DENND4A: variants seen among roughly 807,000 people sequenced by gnomAD.
DENND4A encodes the protein C-myc promoter-binding protein.
A neutral mutation model predicts 199.3 loss-of-function variants in DENND4A; 70 were observed. The ratio of observed to expected loss-of-function variants is 0.35; its 90% CI spans 0.29 to 0.43. The LOEUF is 0.43. Among genes scored for constraint, DENND4A ranks in the 20% least tolerant of loss-of-function variants. The pLI is 1.00. For missense variants in DENND4A, 1,723 were observed against 2,255.8 expected, an observed-to-expected ratio of 0.76 and a Z score of 4.78; for synonymous variants, 686 against 766.9, an observed-to-expected ratio of 0.89 and a Z score of 1.74.
chr15:65,762,084 C>T (rs1325582680), intron 1 of DENND4A, among the ~76,000 whole-genome samples: 3 of 152,012 alleles, frequency 2.0e-5, no homozygotes, highest in East Asian at 1.9e-4. Flanking sequence ...CTCGGCTCAC[C>T]GCAACCTCCA....
rs956220342 is a variant in DENND4A at position 65,786,307 on chromosome 15, T to C, written c.-102+5703A>G. 5.9e-5 allele frequency among the ~76,000 whole-genome samples: 9 copies of C among 152,110 alleles called. 1 individual carries two copies. Among genetic ancestry groups the C allele is most frequent in the Middle Eastern group, 3.4e-3 (1 of 294 alleles). ...GGATTGAGGGCAGAAAAAAATAAAA[T>C]GAAAAAAGCAAGCTTTAAAATCCAT... On this transcript the variant is annotated intron_variant, in intron 1 of 32. Coordinates refer to ENST00000443035, the MANE Select transcript of DENND4A (RefSeq NM_001320835.1).
chr15:65,700,196 C>CT (rs1350908672), intron 20 of DENND4A, among the ~76,000 whole-genome samples: 1 of 151,666 alleles, frequency 6.6e-6, no homozygotes, highest in African/African-American at 2.4e-5. Flanking sequence ...AGCTATGCTT[C>CT]TTTTTTTAAA....
intron 7 of DENND4A, 88 bp from the exon 8 acceptor site, chr15:65,732,906 C>G (rs2076003892): frequency 1.1e-5 from 8 of 757,122 alleles, no homozygotes; most frequent in Non-Finnish European, 1.8e-5. Flanking sequence ...CAAGTTGAGT[C>G]AAAGCCCTGT....
chr15:65,763,186 T>C (rs1025524987), intron 1 of DENND4A, among the ~76,000 whole-genome samples: 1 of 152,068 alleles, frequency 6.6e-6, no homozygotes, highest in African/African-American at 2.4e-5. Context: ...TAAGAGTCAA[T>C]AGCTTCTGCG....
chr15:65,697,166 G>A, intron 21 of DENND4A, 101 bp downstream of exon 21: 1 of 714,208 alleles, frequency 1.4e-6, no homozygotes, highest in East Asian at 2.7e-5. Context: ...GAGTTATAAT[G>A]GAAAAATGGA....
intron 5 of DENND4A, among the ~76,000 whole-genome samples, chr15:65,740,865 G>A (rs540234888): frequency 2.6e-5 from 4 of 151,972 alleles, no homozygotes; most frequent in African/African-American, 9.7e-5. Context: ...GGGAGACTGA[G>A]GCAAGAGGAT....
rs568694071 is a variant in DENND4A at position 65,685,814 on chromosome 15, T to C, written c.4179+4601A>G. 9.8e-5 allele frequency among the ~76,000 whole-genome samples: 15 copies of C among 152,352 alleles called. No individual in the cohort carries two copies. In the South Asian group the frequency reaches 3.1e-3, roughly 32 times the overall value. On this transcript the variant is annotated intron_variant, in intron 23 of 32. Transcript: ENST00000443035. ...ATTTCCCCATTGAATTGCCTTGGCATCTTTATTGAAATTTAAATAACCATA... is the reference window on the plus strand; with the variant it reads ...ATTTCCCCATTGAATTGCCTTGGCACCTTTATTGAAATTTAAATAACCATA...
chr15:65,779,011 T>A (rs2077362584), intron 1 of DENND4A, among the ~76,000 whole-genome samples: 1 of 151,966 alleles, frequency 6.6e-6, no homozygotes, highest in Admixed American at 6.6e-5. Flanking sequence ...TGCCTACAGT[T>A]TCAGCCACTC....
chr15:65,674,314 C>G (rs890478865), intron 24 of DENND4A, among the ~76,000 whole-genome samples: 2 of 151,998 alleles, frequency 1.3e-5, no homozygotes, highest in African/African-American at 4.8e-5. Context: ...TCAAAAATAG[C>G]CGAGTTAATC....
chr15:65,752,055 T>C (rs1227741395), intron 4 of DENND4A, among the ~76,000 whole-genome samples: 3 of 127,902 alleles, frequency 2.3e-5, no homozygotes, highest in Admixed American at 2.0e-4. Context: ...TAAATTGAGA[T>C]GTGGGATCTA....
intron 9 of DENND4A, chr15:65,731,260 AT>A (rs1180670659): frequency 6.4e-6 from 2 of 310,510 alleles, no homozygotes; most frequent in African/African-American, 2.2e-5. Context: ...AATTAGAACT[AT>A]TTTTTTTCTT....
At chr15:65,693,701 C>T (rs1200872283) in intron 22 of DENND4A, among the ~76,000 whole-genome samples, 2 of 151,766 alleles carry the variant, frequency 1.3e-5, no homozygotes, top group Non-Finnish European at 2.9e-5. Context: ...AGGAAGTCTT[C>T]CCTAACAACC....
chr15:65,778,968 A>T (rs1318336133), intron 1 of DENND4A, among the ~76,000 whole-genome samples: 1 of 151,878 alleles, frequency 6.6e-6, no homozygotes, highest in Non-Finnish European at 1.5e-5. Flanking sequence ...TGACTGCTAT[A>T]AAAAGGATTT....
intron 4 of DENND4A, among the ~76,000 whole-genome samples, chr15:65,744,124 G>T (rs984507430): frequency 6.6e-6 from 1 of 152,036 alleles, no homozygotes; most frequent in Non-Finnish European, 1.5e-5. Flanking sequence ...CAGTGGGAAT[G>T]ATGAAAAGAG....
At chr15:65,788,792 T>C (rs1179567356) in intron 1 of DENND4A, among the ~76,000 whole-genome samples, 1 of 145,362 alleles carries the variant, frequency 6.9e-6, no homozygotes, top group Non-Finnish European at 1.5e-5. Context: ...GAGGTGGAGG[T>C]TGCAGTGAGC....
chr15:65,725,633 C>T (rs1458396535), intron 11 of DENND4A, among the ~76,000 whole-genome samples: 5 of 150,424 alleles, frequency 3.3e-5, no homozygotes, highest in South Asian at 4.2e-4. Context: ...GCTGAGATCA[C>T]GCCACCACAC....
At chr15:65,763,960 A>T (rs2140793392) in intron 1 of DENND4A, among the ~76,000 whole-genome samples, 1 of 152,322 alleles carries the variant, frequency 6.6e-6, no homozygotes, top group East Asian at 1.9e-4. Flanking sequence ...AACATTTTTT[A>T]AAATTCAACA....
At chr15:65,751,046 C>G (rs1260731755) in intron 4 of DENND4A, among the ~76,000 whole-genome samples, 1 of 152,076 alleles carries the variant, frequency 6.6e-6, no homozygotes, top group Non-Finnish European at 1.5e-5. Flanking sequence ...AAAGAGATGA[C>G]TATGAGACAG....
rs760115259 is a variant in DENND4A at position 65,676,508 on chromosome 15, T to C, written c.4306A>G (p.Thr1436Ala). 1 of 1,613,624 alleles carries C rather than the reference T, an allele frequency of 6.2e-7. No homozygotes were observed. The highest frequency in any genetic ancestry group is 8.5e-7 in the Non-Finnish European group (1 of 1,179,722). Reference protein sequence around the residue: ...GPISSQETSATSGTKRIDLSR... With the variant: ...GPISSQETSAASGTKRIDLSR... ...AGATCAATTCTCTTAGTCCCTGAAG[T>C]AGCACTGGTCTCTTGAGAGGAGATA... is the stretch of plus-strand genomic sequence containing the variant. The change falls in exon 24 of 33, where the codon ACT becomes GCT. Residue 1436 changes from threonine to alanine, a missense_variant. Physicochemically the swap from Thr to Ala is moderately conservative, Grantham distance 58 (BLOSUM62 0). Coordinates refer to ENST00000443035, the MANE Select transcript of DENND4A (RefSeq NM_001320835.1).
Sources: allele counts gnomAD v4.1 joint callset (sites outside exome capture counted in the v4.1 genomes callset), GRCh38; gene constraint gnomAD v4.1.1; transcripts MANE v1.5; gene names NCBI Gene and HGNC (gene_info 2026-07-23, HGNC 2026-07-21).